CDC42BPA: variants seen among roughly 807,000 people sequenced by gnomAD.
CDC42BPA encodes the protein serine/threonine-protein kinase MRCK alpha.
A neutral mutation model predicts 223.5 loss-of-function variants in CDC42BPA; 80 were observed. That is an observed-to-expected ratio of 0.36 (90% CI 0.30 to 0.43). The LOEUF is 0.43. CDC42BPA is among the 20% of genes least tolerant of loss of function. The pLI is 1.00. For synonymous variants in CDC42BPA, 694 were observed against 718.6 expected (o/e 0.97, Z 0.55); for missense variants, 1,743 against 2,099.9 (o/e 0.83, Z 3.32).
intron 3 of CDC42BPA, among the ~76,000 whole-genome samples, chr1:227,212,638 T>C (rs534484817): frequency 6.6e-6 from 1 of 152,210 alleles, no homozygotes; most frequent in East Asian, 1.9e-4. Flanking sequence ...CAAATCTACA[T>C]AAAAATGCAG....
chr1:227,156,098 A>G (rs116357648), intron 6 of CDC42BPA, among the ~76,000 whole-genome samples: 3,155 of 151,730 alleles, frequency 0.021, 123 homozygotes, highest in African/African-American at 0.072. Flanking sequence ...AATCTGAAAT[A>G]AAATAAAGTT....
chr1:227,087,516 T>C (rs1682223570), intron 16 of CDC42BPA, among the ~76,000 whole-genome samples: 1 of 152,226 alleles, frequency 6.6e-6, no homozygotes, highest in African/African-American at 2.4e-5. Flanking sequence ...TTCTTGGTCT[T>C]TTCTATTCCT....
chr1:227,024,900 A>T lies in CDC42BPA; in HGVS notation c.4530+1155T>A, dbSNP rs4653782. On this transcript the variant is annotated intron_variant, in intron 31 of 36. Transcript: ENST00000366766. The stretch of plus-strand genomic sequence containing the variant: ...TGATCAGTTTATTATTATCTTTCAC[A>T]AAGGCCATATATCTATTCTTTCACA... Among the ~76,000 whole-genome samples, 781 of 152,340 alleles carry T rather than the reference A, an allele frequency of 5.1e-3. 29 individuals carry two copies. Among genetic ancestry groups the T allele is most frequent in the Admixed American group, 0.045 (694 of 15,300 alleles).
chr1:227,052,032 C>T, intron 21 of CDC42BPA, 47 bp from the exon 22 acceptor site: 1 of 1,172,768 alleles, frequency 8.5e-7, no homozygotes, highest in Non-Finnish European at 1.2e-6. Context: ...AATCACTTTT[C>T]AACAATGTGC....
At chr1:227,261,124 C>CTTTTTTTTTTTTT (rs386369874) in intron 1 of CDC42BPA, among the ~76,000 whole-genome samples, 5 of 121,000 alleles carry the variant, frequency 4.1e-5, no homozygotes, top group East Asian at 2.5e-4. Flanking sequence ...TTGAGTTTTT[C>CTTTTTTTTTTTTT]TTTTTTTTTG....
intron 16 of CDC42BPA, among the ~76,000 whole-genome samples, chr1:227,089,683 G>C (rs1682722866): frequency 6.9e-6 from 1 of 145,008 alleles, no homozygotes; most frequent in Non-Finnish European, 1.5e-5. Flanking sequence ...CCTCATCAAG[G>C]AGGCTTCATT....
At chr1:227,065,496 T>C (rs1024012162) in intron 21 of CDC42BPA, among the ~76,000 whole-genome samples, 1 of 152,208 alleles carries the variant, frequency 6.6e-6, no homozygotes, top group Non-Finnish European at 1.5e-5. Context: ...AAAGCTACTC[T>C]TACACATACA....
intron 9 of CDC42BPA, among the ~76,000 whole-genome samples, chr1:227,142,537 A>G (rs769365378): frequency 7.9e-5 from 12 of 152,212 alleles, no homozygotes; most frequent in Non-Finnish European, 1.6e-4. Flanking sequence ...TATTTTTTAA[A>G]AAGTTTTAAT....
At chr1:227,114,549 A>G (rs142360211) in intron 12 of CDC42BPA, among the ~76,000 whole-genome samples, 2 of 152,254 alleles carry the variant, frequency 1.3e-5, no homozygotes, top group East Asian at 3.9e-4. Context: ...AAATGTGTAT[A>G]TAAGATTATA....
In CDC42BPA at chr1:227,047,950, C is replaced by G. The variant is rs1210823073; in HGVS notation, c.3070G>C (p.Gly1024Arg). ...ACCTTAGGTGGAAAGCCAGTTGAACCAGGACATCCTTTTTTCCTTAAGGTT... is the reference window on the plus strand; with the variant it reads ...ACCTTAGGTGGAAAGCCAGTTGAACGAGGACATCCTTTTTTCCTTAAGGTT... ...TPTLRKKGCP[G>R]STGFPPKRKT... Residue 1024 changes from glycine (G) to arginine (R), a missense_variant, in exon 23 of 37, where the codon GGT becomes CGT. By Grantham distance (125) the Gly-to-Arg change is moderately radical (BLOSUM62 -2). Around this residue, in one of 6 missense-constraint regions of CDC42BPA, gnomAD observed 678 missense variants for 777.5 expected, o/e 0.87. Transcript: ENST00000366766. 6.2e-6 allele frequency: 10 copies of G among 1,610,396 alleles called. No homozygotes were observed. The highest frequency in any genetic ancestry group is 1.7e-4 in the Middle Eastern group (1 of 6,052).
chr1:227,125,246 C>T (rs547233115), intron 11 of CDC42BPA, among the ~76,000 whole-genome samples: 104 of 150,580 alleles, frequency 6.9e-4, no homozygotes, highest in African/African-American at 2.4e-3. Flanking sequence ...CAACAATGGA[C>T]AAGTGCAGGG....
chr1:227,212,449 C>A (rs1489693649), intron 3 of CDC42BPA, among the ~76,000 whole-genome samples: 1 of 150,436 alleles, frequency 6.6e-6, no homozygotes, highest in Non-Finnish European at 1.5e-5. Context: ...GAATTCTACA[C>A]CAGTTAAGTT....
chr1:227,027,992 C>T (rs943852219), intron 30 of CDC42BPA, among the ~76,000 whole-genome samples: 3 of 151,830 alleles, frequency 2.0e-5, no homozygotes, highest in African/African-American at 4.8e-5. Flanking sequence ...TGGTGGTGTG[C>T]ACCTGCTGTC....
chr1:227,216,467 G>A (rs1001849108), intron 2 of CDC42BPA, among the ~76,000 whole-genome samples: 1 of 152,062 alleles, frequency 6.6e-6, no homozygotes, highest in Non-Finnish European at 1.5e-5. Context: ...AATCTTTTCT[G>A]GAATAAGGTG....
chr1:227,047,397 T>G (rs116498305), intron 23 of CDC42BPA, among the ~76,000 whole-genome samples: 14,664 of 152,096 alleles, frequency 0.096, 876 homozygotes, highest in Middle Eastern at 0.16. Context: ...TCTATTGACC[T>G]CTCTCTCTCA....
At chr1:227,198,462 G>GA (rs1158104942) in intron 4 of CDC42BPA, among the ~76,000 whole-genome samples, 76 of 85,414 alleles carry the variant, frequency 8.9e-4, no homozygotes, top group Non-Finnish European at 1.3e-3. Flanking sequence ...AGAAAAGAAA[G>GA]AAAGAAAGAA....
chr1:227,050,224 T>C (rs965242945), intron 22 of CDC42BPA, among the ~76,000 whole-genome samples: 1 of 151,898 alleles, frequency 6.6e-6, no homozygotes, highest in African/African-American at 2.4e-5. Context: ...TCAATAAACA[T>C]ACAAAAAGAT....
At chr1:227,258,811 G>C (rs1390903887) in intron 1 of CDC42BPA, among the ~76,000 whole-genome samples, 1 of 150,810 alleles carries the variant, frequency 6.6e-6, no homozygotes, top group African/African-American at 2.5e-5. Context: ...CCACCAAAAA[G>C]TTCATTTCAA....
At chr1:227,123,533 A>C (rs1474053044) in intron 11 of CDC42BPA, among the ~76,000 whole-genome samples, 1 of 152,242 alleles carries the variant, frequency 6.6e-6, no homozygotes, top group Non-Finnish European at 1.5e-5. Context: ...TCTTTAAAAA[A>C]ATAATAAAGT....
Sources: gnomAD v4.1 joint callset for allele counts (sites outside exome capture counted in the v4.1 genomes callset) on GRCh38, gnomAD v4.1.1 for gene constraint, gnomAD v4.1.1 regional missense constraint, MANE v1.5 for transcripts, NCBI Gene and HGNC (gene_info 2026-07-23, HGNC 2026-07-21) for gene names.